Variants in RAB38 observed in about 807,000 individuals in gnomAD.
RAB38 encodes the protein ras-related protein Rab-38.
In RAB38, 15 loss-of-function variants were observed where a neutral mutation model predicts 18.4. The ratio of observed to expected loss-of-function variants is 0.82; its 90% confidence interval spans 0.55 to 1.26. The LOEUF is 1.26. RAB38 is among the 50% of genes most tolerant of loss of function. The pLI, the probability that RAB38 is intolerant of heterozygous loss-of-function variation, is 0.00. For missense variants in RAB38, 294 were observed against 267.4 expected, an observed-to-expected ratio of 1.10 and a Z score of -0.69; for synonymous variants, 101 against 104.4, an observed-to-expected ratio of 0.97 and a Z score of 0.20.
At chr11:87,853,919 C>T in the RAB38 span, among the ~76,000 whole-genome samples, 3 of 152,162 alleles carry the variant, frequency 2.0e-5, no homozygotes, top group Non-Finnish European at 2.9e-5. Context: ...GATTATTCAG[C>T]TACTGACCAT....
At chr11:88,154,733 T>A (rs1252206926) in intron 1 of RAB38, among the ~76,000 whole-genome samples, 1 of 152,218 alleles carries the variant, frequency 6.6e-6, no homozygotes, top group African/African-American at 2.4e-5. Context: ...AGTCTTCCTG[T>A]GCAGTCAGCC....
the RAB38 span, among the ~76,000 whole-genome samples, chr11:87,892,161 A>C: frequency 6.6e-6 from 1 of 151,850 alleles, no homozygotes; most frequent in Non-Finnish European, 1.5e-5. Flanking sequence ...GCCCATGTGC[A>C]GTCTGACAGC....
At chr11:87,843,815 A>G in the RAB38 span, among the ~76,000 whole-genome samples, 1 of 152,302 alleles carries the variant, frequency 6.6e-6, no homozygotes, top group African/African-American at 2.4e-5. Flanking sequence ...GATTTATATG[A>G]CTGAAAAAGA....
At chr11:88,035,232 G>C in the RAB38 span, among the ~76,000 whole-genome samples, 1 of 152,072 alleles carries the variant, frequency 6.6e-6, no homozygotes, top group African/African-American at 2.4e-5. Flanking sequence ...GATGAATAAA[G>C]TTTTTAAATT....
chr11:88,035,723 G>A, the RAB38 span, among the ~76,000 whole-genome samples: 9 of 152,264 alleles, frequency 5.9e-5, no homozygotes, highest in South Asian at 1.7e-3. Flanking sequence ...TTGACTAAGC[G>A]TCTTGAACTC....
the RAB38 span, among the ~76,000 whole-genome samples, chr11:87,950,548 G>A: frequency 2.6e-5 from 4 of 152,044 alleles, no homozygotes; most frequent in African/African-American, 4.8e-5. Context: ...CATGTTTAGT[G>A]CTTCCTTCAG....
chr11:88,051,056 A>C, the RAB38 span, among the ~76,000 whole-genome samples: 1 of 152,112 alleles, frequency 6.6e-6, no homozygotes, highest in African/African-American at 2.4e-5. Flanking sequence ...GTTCATTATA[A>C]ATTTTCACAT....
intron 2 of RAB38, among the ~76,000 whole-genome samples, chr11:88,145,512 C>A (rs1214445363): frequency 6.6e-6 from 1 of 152,026 alleles, no homozygotes; most frequent in Non-Finnish European, 1.5e-5. Flanking sequence ...AGAGTGAATT[C>A]AAAAACAGCA....
At chr11:87,825,393 G>A in the RAB38 span, among the ~76,000 whole-genome samples, 3 of 152,072 alleles carry the variant, frequency 2.0e-5, no homozygotes, top group Admixed American at 2.0e-4. Flanking sequence ...TCACAGTATT[G>A]GAGGTGGGAA....
At chr11:88,040,735 A>G in the RAB38 span, among the ~76,000 whole-genome samples, 3 of 151,564 alleles carry the variant, frequency 2.0e-5, no homozygotes, top group South Asian at 6.3e-4. Flanking sequence ...AACAACAACA[A>G]CAACAACAAC....
the RAB38 span, among the ~76,000 whole-genome samples, chr11:88,092,380 GAGAGAGAGAGAGAGAGAGAGAGAGA>G: frequency 9.7e-5 from 3 of 30,824 alleles, no homozygotes; most frequent in South Asian, 1.0e-3. Context: ...GAGAGAGAGA[GAGAGAGAGAGAGAGAGAGAGAGAGA>G]GAGAGAGAGA....
chr11:88,164,596 A>G (rs1337797949), intron 1 of RAB38, among the ~76,000 whole-genome samples: 5 of 149,684 alleles, frequency 3.3e-5, no homozygotes, highest in African/African-American at 4.9e-5. Context: ...GTGATTAACA[A>G]TGAAACAAAA....
the RAB38 span, among the ~76,000 whole-genome samples, chr11:88,057,074 T>G: frequency 6.6e-6 from 1 of 152,158 alleles, no homozygotes; most frequent in African/African-American, 2.4e-5. Context: ...GCAGCTGATC[T>G]AAAAACTTCA....
chr11:87,828,958 T>A, the RAB38 span, among the ~76,000 whole-genome samples: 1 of 152,238 alleles, frequency 6.6e-6, no homozygotes, highest in African/African-American at 2.4e-5. Context: ...TAACAATCTT[T>A]AGTGAAAGAT....
At chr11:87,948,334 T>A in the RAB38 span, among the ~76,000 whole-genome samples, 1 of 152,214 alleles carries the variant, frequency 6.6e-6, no homozygotes, top group Non-Finnish European at 1.5e-5. Context: ...AACCATGTCA[T>A]CTGCAAACAG....
chr11:87,879,346 G>C, the RAB38 span: 5 of 151,336 alleles, frequency 3.3e-5, no homozygotes, highest in Non-Finnish European at 7.4e-5. Flanking sequence ...ATTTGGAAGG[G>C]ACCGCCTACT....
intron 1 of RAB38, among the ~76,000 whole-genome samples, chr11:88,162,570 T>C (rs563235067): frequency 8.5e-5 from 13 of 152,124 alleles, no homozygotes; most frequent in African/African-American, 3.1e-4. Flanking sequence ...GCTAAGACTG[T>C]CTAATTTCAT....
the RAB38 span, among the ~76,000 whole-genome samples, chr11:88,036,665 G>C: frequency 6.6e-6 from 1 of 151,976 alleles, no homozygotes; most frequent in Non-Finnish European, 1.5e-5. Flanking sequence ...AATCAACATA[G>C]AGGTAGGGTC....
At chr11:87,915,415 TGGTCATTCTC>T in the RAB38 span, among the ~76,000 whole-genome samples, 4 of 152,142 alleles carry the variant, frequency 2.6e-5, no homozygotes, top group African/African-American at 9.7e-5. Flanking sequence ...AACTGACCTC[TGGTCATTCTC>T]ACTGCTCATT....
Sources: allele counts gnomAD v4.1 joint callset (sites outside exome capture counted in the v4.1 genomes callset), GRCh38; gene constraint gnomAD v4.1.1; transcripts MANE v1.5; gene names NCBI Gene and HGNC (gene_info 2026-07-23, HGNC 2026-07-21).